GAD2: variants seen among roughly 807,000 people sequenced by gnomAD.
GAD2 encodes the protein 65 kDa glutamic acid decarboxylase.
GAD2 carries 22 observed loss-of-function variants against 80.1 expected under a neutral mutation model. The observed-to-expected ratio is 0.27, with a 90% CI of 0.20 to 0.39. GAD2 has a LOEUF of 0.39. Among genes scored for constraint, GAD2 ranks in the 10% least tolerant of loss-of-function variants. The pLI, the probability that GAD2 is intolerant of heterozygous loss-of-function variation, is 1.00. For synonymous variants in GAD2, 274 were observed against 256.9 expected, an observed-to-expected ratio of 1.07 and a Z score of -0.64; for missense variants, 624 against 738.4, an observed-to-expected ratio of 0.85 and a Z score of 1.80.
chr10:26,247,610 A>G (rs1016645693), intron 8 of GAD2, among the ~76,000 whole-genome samples: 4 of 151,930 alleles, frequency 2.6e-5, no homozygotes, highest in African/African-American at 9.7e-5. Context: ...AGCTCTAAAA[A>G]TCCGGCTGGG....
intron 8 of GAD2, among the ~76,000 whole-genome samples, chr10:26,262,359 C>CT (rs1845019167): frequency 1.3e-5 from 2 of 149,680 alleles, no homozygotes; most frequent in Admixed American, 6.7e-5. Flanking sequence ...TTCTCAAAAA[C>CT]TTTAAGATTA....
At chr10:26,254,422 G>A (rs1446539539) in intron 8 of GAD2, among the ~76,000 whole-genome samples, 1 of 152,178 alleles carries the variant, frequency 6.6e-6, no homozygotes, top group East Asian at 1.9e-4. Flanking sequence ...GCGGGGCTCA[G>A]GCGGGAATGC....
intron 11 of GAD2, among the ~76,000 whole-genome samples, chr10:26,279,743 T>C (rs1845251297): frequency 6.6e-6 from 1 of 152,182 alleles, no homozygotes; most frequent in Non-Finnish European, 1.5e-5. Context: ...GATCCACTGT[T>C]ACTGATGAGA....
chr10:26,300,218 G>T (rs1373690191), intron 15 of GAD2, among the ~76,000 whole-genome samples: 1 of 152,134 alleles, frequency 6.6e-6, no homozygotes, highest in Non-Finnish European at 1.5e-5. Context: ...GTCCTTGTGA[G>T]TTCAGCTTTT....
At chr10:26,233,277 C>T (rs1380886197) in intron 7 of GAD2, among the ~76,000 whole-genome samples, 1 of 152,220 alleles carries the variant, frequency 6.6e-6, no homozygotes, top group Non-Finnish European at 1.5e-5. Context: ...TATACAGCAG[C>T]TTATCAATTG....
intron 7 of GAD2, among the ~76,000 whole-genome samples, chr10:26,235,789 A>G (rs1408841099): frequency 6.6e-6 from 1 of 152,214 alleles, no homozygotes; most frequent in African/African-American, 2.4e-5. Flanking sequence ...TCCCAGCTCA[A>G]TAATTCACAT....
intron 12 of GAD2, among the ~76,000 whole-genome samples, chr10:26,282,399 T>A (rs1029525029): frequency 2.0e-5 from 3 of 152,020 alleles, no homozygotes; most frequent in Non-Finnish European, 2.9e-5. Context: ...TTACCATTTT[T>A]AATATTTTCT....
rs574666139 is a variant in GAD2 at position 26,293,456 on chromosome 10, G to A, written c.1584+465G>A. Among the ~76,000 whole-genome samples, 170 of 152,236 alleles carry A rather than the reference G, an allele frequency of 1.1e-3. No individual in the cohort carries two copies. The Middle Eastern group carries it at 0.021, about 18-fold the overall frequency. On this transcript the variant is annotated intron_variant, in intron 15 of 15. Coordinates refer to ENST00000376261, the MANE Select transcript of GAD2 (RefSeq NM_001134366.2). ...GCCTCCCAAAGTGCTGAGATTACAG[G>A]CATGAGCCACTGTGCCCGGCCTATG...
rs1487917783 is a variant in GAD2, at chr10:26,219,089, G to T, written c.333G>T (p.Leu111=). 2.5e-6 allele frequency: 4 copies of T among 1,604,434 alleles called. No homozygotes were observed. The highest frequency in any genetic ancestry group is 1.7e-5 in the Admixed American group (1 of 58,284). Residue 111 remains leucine, a synonymous_variant, in exon 4 of 16, where the codon CTG becomes CTT. Transcript: ENST00000376261. ...CDGERPTLAF[L]QDVMNILLQY... ...GAGAAAGGCCCACTTTGGCGTTTCT[G>T]CAAGATGTTATGAACATTTTACTTC... is the stretch of plus-strand genomic sequence containing the variant.
intron 12 of GAD2, among the ~76,000 whole-genome samples, chr10:26,282,729 T>C (rs1845284988): frequency 6.6e-6 from 1 of 152,210 alleles, no homozygotes; most frequent in Non-Finnish European, 1.5e-5. Flanking sequence ...CAATGTGGGA[T>C]TGCTGGGTCA....
At chr10:26,258,037 G>A (rs1844964576) in intron 8 of GAD2, among the ~76,000 whole-genome samples, 1 of 152,188 alleles carries the variant, frequency 6.6e-6, no homozygotes, top group Non-Finnish European at 1.5e-5. Flanking sequence ...CTAGTCCTGT[G>A]TGTACTTCAT....
chr10:26,248,348 T>C (rs1337695931), intron 8 of GAD2, among the ~76,000 whole-genome samples: 1 of 152,234 alleles, frequency 6.6e-6, no homozygotes, highest in Non-Finnish European at 1.5e-5. Flanking sequence ...ATGCTAGCTC[T>C]GGCCCAGGGG....
intron 4 of GAD2, among the ~76,000 whole-genome samples, chr10:26,223,124 A>G (rs1352856210): frequency 3.3e-5 from 5 of 152,246 alleles, no homozygotes; most frequent in Admixed American, 3.3e-4. Flanking sequence ...AAGCCTTGCG[A>G]TGGACTAATC....
chr10:26,225,155 C>T (rs930100758), intron 6 of GAD2, among the ~76,000 whole-genome samples: 8 of 152,162 alleles, frequency 5.3e-5, no homozygotes, highest in African/African-American at 1.4e-4. Flanking sequence ...GGACAGAGAA[C>T]GCTTTGGGAG....
intron 7 of GAD2, among the ~76,000 whole-genome samples, chr10:26,240,448 T>A (rs1844725996): frequency 6.6e-6 from 1 of 152,166 alleles, no homozygotes. Context: ...TGTGTCTGGT[T>A]TACCTACATA....
chr10:26,251,984 G>C (rs917554619), intron 8 of GAD2, among the ~76,000 whole-genome samples: 2 of 152,188 alleles, frequency 1.3e-5, no homozygotes, highest in Non-Finnish European at 2.9e-5. Flanking sequence ...ACTCTCGGCA[G>C]CCATTTTATT....
intron 13 of GAD2, among the ~76,000 whole-genome samples, chr10:26,287,658 G>T (rs902044505): frequency 2.6e-5 from 4 of 152,206 alleles, no homozygotes; most frequent in African/African-American, 7.2e-5. Flanking sequence ...TTTGAGCAAG[G>T]TTGCCATTTT....
chr10:26,278,536 A>C (rs1262350439), intron 11 of GAD2, among the ~76,000 whole-genome samples: 1 of 152,148 alleles, frequency 6.6e-6, no homozygotes, highest in African/African-American at 2.4e-5. Flanking sequence ...AACCCATACT[A>C]TCTGGCTCCT....
In GAD2 at chr10:26,273,699, A is replaced by C. The variant is rs776135250; in HGVS notation, c.1156A>C (p.Arg386=). The C allele has an allele frequency of 6.2e-7, 1 of 1,612,826 alleles. No homozygotes were observed. Among genetic ancestry groups the C allele is most frequent in the African/African-American group, 1.3e-5 (1 of 74,812 alleles). The change falls in exon 11 of 16, where the codon AGG becomes CGG. Residue 386 remains arginine, a splice_region_variant and synonymous_variant. Coordinates refer to ENST00000376261, the MANE Select transcript of GAD2 (RefSeq NM_001134366.2). ...CAAGTGGAAACTGAGTGGCGTGGAG[A>C]GGTATGTTGCATTTTTCTTATTAAC... is the stretch of plus-strand genomic sequence containing the variant. ...KHKWKLSGVE[R]ANSVTWNPHK... is the part of the protein sequence containing the mutation.
Sources: gnomAD v4.1 joint callset for allele counts (sites outside exome capture counted in the v4.1 genomes callset) on GRCh38, gnomAD v4.1.1 for gene constraint, MANE v1.5 for transcripts, NCBI Gene and HGNC (gene_info 2026-07-23, HGNC 2026-07-21) for gene names.